SAMD5: variants seen among roughly 807,000 people sequenced by gnomAD.
The protein encoded by SAMD5 is sterile alpha motif domain containing 5.
A neutral mutation model predicts 11.3 loss-of-function variants in SAMD5; 13 were observed. The observed-to-expected ratio is 1.15, with a 90% CI of 0.75 to 1.83. SAMD5 has a LOEUF of 1.83. Among genes scored for constraint, SAMD5 ranks in the 40% most tolerant of loss-of-function variants. The pLI is 0.00. For synonymous variants in SAMD5, 129 were observed against 111.3 expected (o/e 1.16, Z -1.00); for missense variants, 255 against 239.1 (o/e 1.07, Z -0.44).
chr6:147,827,603 G>T, the SAMD5 span, among the ~76,000 whole-genome samples: 1 of 152,106 alleles, frequency 6.6e-6, no homozygotes, highest in African/African-American at 2.4e-5. Flanking sequence ...GAATGCATCT[G>T]TCTATGCAGT....
chr6:147,726,348 T>G (rs1791626381), intron 1 of SAMD5, among the ~76,000 whole-genome samples: 1 of 152,254 alleles, frequency 6.6e-6, no homozygotes, highest in African/African-American at 2.4e-5. Flanking sequence ...GCACCAGACA[T>G]TGTACATGCA....
At chr6:147,796,908 C>T in the SAMD5 span, among the ~76,000 whole-genome samples, 2 of 149,076 alleles carry the variant, frequency 1.3e-5, no homozygotes, top group Admixed American at 6.7e-5. Flanking sequence ...GATTTTTGCA[C>T]ATTGATTTTG....
At chr6:147,515,688 A>C (rs1361265064) in intron 1 of SAMD5, among the ~76,000 whole-genome samples, 2 of 152,118 alleles carry the variant, frequency 1.3e-5, no homozygotes, top group Non-Finnish European at 2.9e-5. Context: ...TCACAATTGC[A>C]AGGAACTAGA....
chr6:147,714,443 TCTC>T (rs1162979748), intron 1 of SAMD5, among the ~76,000 whole-genome samples: 1 of 152,130 alleles, frequency 6.6e-6, no homozygotes, highest in Non-Finnish European at 1.5e-5. Context: ...CAGTTAAGTT[TCTC>T]CTCCTTCTAT....
chr6:147,664,547 T>G (rs747515983), intron 1 of SAMD5, among the ~76,000 whole-genome samples: 3 of 152,158 alleles, frequency 2.0e-5, no homozygotes, highest in Non-Finnish European at 4.4e-5. Context: ...GTAGTGTTGA[T>G]TGAAGGACTC....
At chr6:147,740,360 GC>G (rs756325917), downstream of SAMD5, among the ~76,000 whole-genome samples, 34 of 152,164 alleles carry the variant, frequency 2.2e-4, no homozygotes, top group Admixed American at 4.6e-4. Flanking sequence ...ATATAAAAGT[GC>G]CTTTCTGAAG....
chr6:147,518,734 C>G (rs1443810230), intron 1 of SAMD5, among the ~76,000 whole-genome samples: 1 of 152,134 alleles, frequency 6.6e-6, no homozygotes, highest in Non-Finnish European at 1.5e-5. Context: ...GCATTTCTGG[C>G]TATGGGAAAG....
At chr6:147,844,154 C>T in the SAMD5 span, among the ~76,000 whole-genome samples, 1 of 152,026 alleles carries the variant, frequency 6.6e-6, no homozygotes, top group Non-Finnish European at 1.5e-5. Context: ...AACAAGAAAA[C>T]AAATAACCCT....
the SAMD5 span, among the ~76,000 whole-genome samples, chr6:147,888,512 G>T: frequency 6.6e-6 from 1 of 152,008 alleles, no homozygotes; most frequent in East Asian, 1.9e-4. Flanking sequence ...AGTTTGCATT[G>T]TTTCCAATGA....
At chr6:147,602,996 G>A (rs1345667144) in intron 1 of SAMD5, among the ~76,000 whole-genome samples, 1 of 152,164 alleles carries the variant, frequency 6.6e-6, no homozygotes, top group African/African-American at 2.4e-5. Context: ...GAAATGGAAG[G>A]AATGGATGGA....
At chr6:147,609,831 T>G (rs553104453) in intron 1 of SAMD5, among the ~76,000 whole-genome samples, 2 of 152,122 alleles carry the variant, frequency 1.3e-5, no homozygotes, top group Non-Finnish European at 2.9e-5. Context: ...GCTGGGATTA[T>G]AGGCATGAGC....
downstream of SAMD5, among the ~76,000 whole-genome samples, chr6:147,574,059 C>T (rs1324159687): frequency 2.0e-5 from 3 of 151,416 alleles, no homozygotes; most frequent in Admixed American, 6.6e-5. Flanking sequence ...ACCCAGGAGG[C>T]GGAGCTTGCA....
the SAMD5 span, among the ~76,000 whole-genome samples, chr6:147,862,504 C>T: frequency 2.7e-4 from 41 of 152,298 alleles, no homozygotes; most frequent in African/African-American, 9.4e-4. Context: ...CCACGCACCC[C>T]CTCTGCTCTC....
chr6:147,793,047 T>C, the SAMD5 span, among the ~76,000 whole-genome samples: 1 of 152,314 alleles, frequency 6.6e-6, no homozygotes, highest in Non-Finnish European at 1.5e-5. Flanking sequence ...GTGGACTGCA[T>C]GTAGTGACTT....
the SAMD5 span, among the ~76,000 whole-genome samples, chr6:147,952,105 C>T: frequency 1.3e-5 from 2 of 152,050 alleles, no homozygotes; most frequent in Non-Finnish European, 2.9e-5. Context: ...AGTAAGAGGG[C>T]TTACTCTGTC....
At chr6:147,548,027 G>A (rs1788712482) in intron 1 of SAMD5, among the ~76,000 whole-genome samples, 1 of 152,060 alleles carries the variant, frequency 6.6e-6, no homozygotes, top group Non-Finnish European at 1.5e-5. Context: ...TTAGGTAATG[G>A]GCATATAGAA....
the SAMD5 span, among the ~76,000 whole-genome samples, chr6:147,945,988 C>T: frequency 6.6e-6 from 1 of 152,142 alleles, no homozygotes; most frequent in Non-Finnish European, 1.5e-5. Flanking sequence ...TAAGCCATGG[C>T]CCTAGGCTGC....
chr6:147,818,944 A>C, the SAMD5 span, among the ~76,000 whole-genome samples: 1 of 152,202 alleles, frequency 6.6e-6, no homozygotes, highest in African/African-American at 2.4e-5. Flanking sequence ...CTAATAACAG[A>C]AGTACCATCC....
chr6:147,547,201 C>T (rs987799478), intron 1 of SAMD5, among the ~76,000 whole-genome samples: 1 of 152,212 alleles, frequency 6.6e-6, no homozygotes, highest in Non-Finnish European at 1.5e-5. Flanking sequence ...TTTTCTATTG[C>T]TGCATAATAA....
Sources: gnomAD v4.1 joint callset for allele counts (sites outside exome capture counted in the v4.1 genomes callset) on GRCh38, gnomAD v4.1.1 for gene constraint, MANE v1.5 for transcripts, NCBI Gene and HGNC (gene_info 2026-07-23, HGNC 2026-07-21) for gene names.